DCAF8L2: variants seen among roughly 807,000 people sequenced by gnomAD.
The protein encoded by DCAF8L2 is DDB1- and CUL4-associated factor 8-like protein 2.
For synonymous variants in DCAF8L2, 200 were observed against 190.9 expected (o/e 1.05, Z -0.39); for missense variants, 430 against 490.7 (o/e 0.88, Z 1.17).
rs1428312562 is a variant in DCAF8L2, at chrX:27,749,084, T to C, written c.*293T>C. Among the ~76,000 whole-genome samples the C allele has an allele frequency of 9.0e-6, 1 of 111,323 alleles. No individual in the cohort carries two copies. Among genetic ancestry groups the C allele is most frequent in the East Asian group, 2.8e-4 (1 of 3,549 alleles). ...TTATGCCTCTTTTCCTTTGTTCCCT[T>C]ATAGTTGACCTCTAAATTTTCTGAA... On this transcript the variant is annotated 3_prime_UTR_variant, in exon 5 of 5. Coordinates refer to ENST00000451261, the MANE Select transcript of DCAF8L2 (RefSeq NM_001353450.2).
At chrX:27,580,573 G>C in the DCAF8L2 span, among the ~76,000 whole-genome samples, 2 of 111,156 alleles carry the variant, frequency 1.8e-5, no homozygotes, top group East Asian at 5.6e-4. Context: ...AGATTATCCC[G>C]TGCCCTGAAG....
chrX:27,519,044 C>T, the DCAF8L2 span: 2 of 1,013,351 alleles, frequency 2.0e-6, no homozygotes. Context: ...AGAAGGAAGC[C>T]TGATACTATT....
chrX:27,659,966 CCTT>C (rs1929496206), intron 2 of DCAF8L2, among the ~76,000 whole-genome samples: 1 of 111,313 alleles, frequency 9.0e-6, no homozygotes, highest in African/African-American at 3.3e-5. Context: ...GAATTATTGT[CCTT>C]CTTTGGAGTT....
chrX:27,510,610 T>G, the DCAF8L2 span, among the ~76,000 whole-genome samples: 1 of 109,239 alleles, frequency 9.2e-6, no homozygotes, highest in Non-Finnish European at 1.9e-5. Flanking sequence ...AGAAGCAGTT[T>G]TTCTGCTTTT....
the DCAF8L2 span, among the ~76,000 whole-genome samples, chrX:27,538,776 A>G: frequency 0.041 from 4,531 of 111,562 alleles, 223 homozygotes; most frequent in African/African-American, 0.14. Context: ...CCAGGCTGAT[A>G]AAAGTACTTT....
chrX:27,548,932 A>C, the DCAF8L2 span, among the ~76,000 whole-genome samples: 2 of 111,661 alleles, frequency 1.8e-5, no homozygotes, highest in Non-Finnish European at 3.8e-5. Context: ...TTAGCGTAAT[A>C]AATTTGGAAG....
intron 2 of DCAF8L2, among the ~76,000 whole-genome samples, chrX:27,668,680 C>T (rs961984383): frequency 7.1e-5 from 8 of 112,038 alleles, no homozygotes; most frequent in African/African-American, 1.6e-4. Flanking sequence ...TGGCCAGGCG[C>T]GGTGGCTCAC....
chrX:27,709,997 A>T, intron 3 of DCAF8L2, among the ~76,000 whole-genome samples: 1 of 111,216 alleles, frequency 9.0e-6, no homozygotes, highest in Non-Finnish European at 1.9e-5. Flanking sequence ...ATTTCTATGA[A>T]ATGTATTTTG....
Position 27,637,881 on chromosome X carries a change from A to G in DCAF8L2, c.-220+5881A>G, listed in dbSNP as rs1928564375. Among the ~76,000 whole-genome samples, 6 of 111,719 alleles carry G rather than the reference A, an allele frequency of 5.4e-5. No individual in the cohort carries two copies. In the South Asian group the frequency reaches 2.2e-3, roughly 42 times the overall value. On this transcript the variant is annotated intron_variant, in intron 2 of 4. Transcript: ENST00000451261. ...CAATACAATTGCTTAGGGAAGCACA[A>G]CTATTAATGGAATTCAAACCAGACA...
intron 3 of DCAF8L2, among the ~76,000 whole-genome samples, chrX:27,688,740 A>G (rs1356130972): frequency 8.9e-6 from 1 of 111,924 alleles, no homozygotes; most frequent in Non-Finnish European, 1.9e-5. Context: ...TATTTTCCCC[A>G]TAAGAGAAAA....
In DCAF8L2 at chrX:27,718,564, A is replaced by G. The variant is rs73534393; in HGVS notation, c.-59+2393A>G. Among the ~76,000 whole-genome samples the G allele has an allele frequency of 7.6e-3, 850 of 111,217 alleles. 6 individuals are homozygous for G. The highest frequency in any genetic ancestry group is 0.026 in the African/African-American group (796 of 30,624). On this transcript the variant is annotated intron_variant, in intron 4 of 4. Coordinates refer to ENST00000451261, the MANE Select transcript of DCAF8L2 (RefSeq NM_001353450.2). ...GTTTCTGGATGAGATTAACATTTCA[A>G]TCGGTAGACTGAGTAAAGCAGACTG...
intron 3 of DCAF8L2, among the ~76,000 whole-genome samples, chrX:27,680,769 A>G (rs1217189351): frequency 2.0e-5 from 2 of 100,222 alleles, no homozygotes; most frequent in Non-Finnish European, 3.9e-5. Flanking sequence ...GCTGTGTCCT[A>G]TAGTTAAAGG....
chrX:27,684,360 T>G (rs1930428014), intron 3 of DCAF8L2, among the ~76,000 whole-genome samples: 1 of 112,083 alleles, frequency 8.9e-6, no homozygotes, highest in African/African-American at 3.2e-5. Flanking sequence ...TATCCCAGCA[T>G]CTATTTTCAT....
At chrX:27,491,153 TA>T in the DCAF8L2 span, among the ~76,000 whole-genome samples, 4 of 112,838 alleles carry the variant, frequency 3.5e-5, no homozygotes, top group South Asian at 7.2e-4. Flanking sequence ...TTTCTTTTAT[TA>T]AAAAATGTTT....
chrX:27,531,264 C>A, the DCAF8L2 span, among the ~76,000 whole-genome samples: 530 of 111,309 alleles, frequency 4.8e-3, 1 homozygote, highest in Non-Finnish European at 7.6e-3. Flanking sequence ...AGCAGGCAAG[C>A]GGGCATGTGC....
intron 3 of DCAF8L2, among the ~76,000 whole-genome samples, chrX:27,699,743 T>C (rs113311524): frequency 4.5e-5 from 5 of 111,229 alleles, no homozygotes; most frequent in African/African-American, 1.6e-4. Flanking sequence ...AGGGCCAAAA[T>C]ATAGGCAGGG....
chrX:27,703,814 G>C (rs1405623741), intron 3 of DCAF8L2, among the ~76,000 whole-genome samples: 2 of 109,933 alleles, frequency 1.8e-5, no homozygotes, highest in African/African-American at 6.6e-5. Context: ...TATTTGTATT[G>C]TATTTAGAAA....
chrX:27,538,952 A>G, the DCAF8L2 span, among the ~76,000 whole-genome samples: 1 of 112,547 alleles, frequency 8.9e-6, no homozygotes, highest in Non-Finnish European at 1.9e-5. Context: ...TGTCAGGGAA[A>G]TGTAATCCTA....
intron 3 of DCAF8L2, among the ~76,000 whole-genome samples, chrX:27,693,059 C>A (rs747056241): frequency 9.0e-6 from 1 of 111,618 alleles, no homozygotes; most frequent in African/African-American, 3.2e-5. Flanking sequence ...GATTAATTCG[C>A]GTGTGAATTA....
Sources: gnomAD v4.1 joint callset for allele counts (sites outside exome capture counted in the v4.1 genomes callset) on GRCh38, gnomAD v4.1.1 for gene constraint, MANE v1.5 for transcripts, NCBI Gene and HGNC (gene_info 2026-07-23, HGNC 2026-07-21) for gene names.